KCNU1: variants seen among roughly 807,000 people sequenced by gnomAD.
KCNU1 encodes potassium channel subfamily U member 1.
A neutral mutation model predicts 126.8 loss-of-function variants in KCNU1; 93 were observed. That is an observed-to-expected ratio of 0.73 (90% CI 0.62 to 0.87). The LOEUF (loss-of-function observed/expected upper bound fraction) is 0.87, where lower values mean the gene tolerates loss of function less well. KCNU1 is among the 40% of genes least tolerant of loss of function. KCNU1 has a pLI of 0.00. For missense variants in KCNU1, 1,330 were observed against 1,367.1 expected (o/e 0.97, Z 0.43); for synonymous variants, 523 against 494.2 (o/e 1.06, Z -0.77).
chr8:36,810,049 C>T (rs1803653272), intron 7 of KCNU1, among the ~76,000 whole-genome samples: 1 of 152,092 alleles, frequency 6.6e-6, no homozygotes, highest in Admixed American at 6.6e-5. Flanking sequence ...GTCGAGAGAT[C>T]AAGACCATCC....
chr8:36,819,950 A>C (rs1354091011), intron 10 of KCNU1, among the ~76,000 whole-genome samples: 1 of 152,142 alleles, frequency 6.6e-6, no homozygotes, highest in Non-Finnish European at 1.5e-5. Context: ...CTTCAGGCCT[A>C]GCGTTTAGGA....
At chr8:36,910,463 G>A (rs776869740) in intron 21 of KCNU1, among the ~76,000 whole-genome samples, 2 of 150,376 alleles carry the variant, frequency 1.3e-5, no homozygotes, top group Admixed American at 1.3e-4. Context: ...ATTGATCTCT[G>A]TTTTTCCACC....
intron 1 of KCNU1, among the ~76,000 whole-genome samples, chr8:36,787,000 C>T (rs1802732079): frequency 6.6e-6 from 1 of 152,150 alleles, no homozygotes; most frequent in South Asian, 2.1e-4. Context: ...AGGCATGATG[C>T]TCCCAATTCT....
rs781507078 is a variant in KCNU1, at chr8:36,836,955, T to C, written c.1518+10T>C. The C allele has an allele frequency of 3.1e-6, 5 of 1,613,268 alleles. No homozygotes were observed. Among genetic ancestry groups the C allele is most frequent in the Non-Finnish European group, 4.2e-6 (5 of 1,179,318 alleles). On this transcript the variant is annotated intron_variant, in intron 14 of 26. Transcript: ENST00000399881. The stretch of plus-strand genomic sequence containing the variant: ...GGAGCAAAACAAAAAGGTAACCTTG[T>C]AAATTACTGTTGATTCTTGGCTCTG...
intron 23 of KCNU1, among the ~76,000 whole-genome samples, chr8:36,921,873 G>C (rs777368018): frequency 1.3e-4 from 20 of 152,202 alleles, no homozygotes; most frequent in Admixed American, 2.6e-4. Flanking sequence ...GCCACACAGA[G>C]TGCCATCCAT....
At chr8:36,934,812 T>C (rs1808805170) in intron 26 of KCNU1, among the ~76,000 whole-genome samples, 2 of 152,180 alleles carry the variant, frequency 1.3e-5, no homozygotes, top group African/African-American at 4.8e-5. Context: ...TAAGCACTGC[T>C]GCACTCATTA....
chr8:36,932,615 C>A (rs1808734505), intron 25 of KCNU1, among the ~76,000 whole-genome samples: 1 of 152,044 alleles, frequency 6.6e-6, no homozygotes, highest in Non-Finnish European at 1.5e-5. Context: ...ACCTGTGGCT[C>A]ATTGTTAATT....
chr8:36,790,940 A>C (rs567171028), intron 2 of KCNU1, among the ~76,000 whole-genome samples: 1 of 151,998 alleles, frequency 6.6e-6, no homozygotes, highest in South Asian at 2.1e-4. Flanking sequence ...ATACATGGGC[A>C]ACCACTCAAT....
At chr8:36,859,823 A>G (rs1805663483) in intron 18 of KCNU1, among the ~76,000 whole-genome samples, 1 of 152,190 alleles carries the variant, frequency 6.6e-6, no homozygotes, top group Admixed American at 6.5e-5. Context: ...AATGTTGACA[A>G]TAACATTGCA....
At chr8:36,808,475 G>A (rs1353412089) in intron 6 of KCNU1, among the ~76,000 whole-genome samples, 1 of 152,086 alleles carries the variant, frequency 6.6e-6, no homozygotes, top group Non-Finnish European at 1.5e-5. Context: ...GTGACTGGGC[G>A]AGTTTCAGAG....
intron 10 of KCNU1, among the ~76,000 whole-genome samples, chr8:36,829,499 T>C (rs9656749): frequency 4.6e-5 from 7 of 151,776 alleles, no homozygotes; most frequent in Non-Finnish European, 7.4e-5. Context: ...ACTGCATTAA[T>C]ACTACAGTCT....
At chr8:36,917,548 G>T (rs925396595) in intron 22 of KCNU1, among the ~76,000 whole-genome samples, 1 of 151,220 alleles carries the variant, frequency 6.6e-6, no homozygotes, top group Non-Finnish European at 1.5e-5. Context: ...TAGAGAACAG[G>T]TCTCTCTATG....
chr8:36,921,363 G>A (rs1183103943), intron 23 of KCNU1, among the ~76,000 whole-genome samples: 1 of 152,088 alleles, frequency 6.6e-6, no homozygotes, highest in East Asian at 1.9e-4. Flanking sequence ...GCTCCTATGG[G>A]AGACACCATC....
At chr8:36,901,865 T>C (rs1807432402) in intron 19 of KCNU1, among the ~76,000 whole-genome samples, 1 of 152,136 alleles carries the variant, frequency 6.6e-6, no homozygotes, top group South Asian at 2.1e-4. Flanking sequence ...CCCTCCACCT[T>C]GGTCAGGCTT....
intron 22 of KCNU1, among the ~76,000 whole-genome samples, chr8:36,917,617 A>G (rs1011321631): frequency 6.6e-6 from 1 of 151,782 alleles, no homozygotes; most frequent in Non-Finnish European, 1.5e-5. Flanking sequence ...CAGCCTCCCA[A>G]AGTGTTGAGA....
intron 4 of KCNU1, among the ~76,000 whole-genome samples, chr8:36,805,512 TG>T (rs1803465865): frequency 1.3e-5 from 2 of 152,218 alleles, no homozygotes; most frequent in Non-Finnish European, 2.9e-5. Context: ...GTAATTCTTT[TG>T]TTAAATGCCA....
At chr8:36,826,349 A>T (rs958514106) in intron 10 of KCNU1, among the ~76,000 whole-genome samples, 38 of 151,996 alleles carry the variant, frequency 2.5e-4, no homozygotes, top group African/African-American at 8.9e-4. Flanking sequence ...AGCTGGAATT[A>T]TAAGTGCCCA....
In KCNU1 at chr8:36,894,588, G is replaced by A. The variant is rs191721557; in HGVS notation, c.2010-11120G>A. ...AAATAGTTGTGAGTGGTTTCTCTCA[G>A]CTTTTAATATGTTAACATATGTTAC... On this transcript the variant is annotated intron_variant, in intron 19 of 26. Coordinates refer to ENST00000399881, the MANE Select transcript of KCNU1 (RefSeq NM_001031836.3). Among the ~76,000 whole-genome samples, 43 of 152,164 alleles carry A rather than the reference G, an allele frequency of 2.8e-4. 1 individual carries two copies. The highest frequency in any genetic ancestry group is 1.5e-5 in the Non-Finnish European group (1 of 67,994).
intron 10 of KCNU1, among the ~76,000 whole-genome samples, chr8:36,820,910 A>G (rs374418002): frequency 2.0e-5 from 3 of 152,322 alleles, no homozygotes; most frequent in Admixed American, 6.5e-5. Context: ...CGGAAGCCTG[A>G]CATTGTCAAA....
Sources: allele counts gnomAD v4.1 joint callset (sites outside exome capture counted in the v4.1 genomes callset), GRCh38; gene constraint gnomAD v4.1.1; transcripts MANE v1.5; gene names NCBI Gene and HGNC (gene_info 2026-07-23, HGNC 2026-07-21).